Variants in DNM2 observed in about 807,000 individuals in gnomAD.
The protein encoded by DNM2 is dynamin-2.
In DNM2, 15 loss-of-function variants were observed where a neutral mutation model predicts 99.0. That is an observed-to-expected ratio of 0.15 (90% confidence interval 0.10 to 0.23). DNM2 has a LOEUF of 0.23. Among genes scored for constraint, DNM2 ranks in the 10% least tolerant of loss-of-function variants. The pLI is 1.00. For synonymous variants in DNM2, 525 were observed against 481.2 expected (o/e 1.09, Z -1.19); for missense variants, 742 against 1,189.4 (o/e 0.62, Z 5.53).
At chr19:10,732,627 G>A (rs2069371185) in intron 1 of DNM2, among the ~76,000 whole-genome samples, 1 of 151,902 alleles carries the variant, frequency 6.6e-6, no homozygotes, top group African/African-American at 2.4e-5. Context: ...AATTCACCCT[G>A]TCCGGAAGTG....
chr19:10,797,318 G>T (rs74718485), intron 9 of DNM2, 62 bp from the exon 10 acceptor site: 1 of 1,601,878 alleles, frequency 6.2e-7, no homozygotes, highest in East Asian at 2.2e-5. Flanking sequence ...CCTGTCCTGC[G>T]TGTGTGGCCT....
chr19:10,782,584 TCCTTAC>T (rs2071416116), intron 5 of DNM2, among the ~76,000 whole-genome samples: 1 of 151,578 alleles, frequency 6.6e-6, no homozygotes, highest in African/African-American at 2.4e-5. Context: ...GGCCTCGAGC[TCCTTAC>T]CTTGTGATCT....
Position 10,743,983 on chromosome 19 carries a change from CCAG to C in DNM2, c.162-15754_162-15752del, listed in dbSNP as rs200375197. Reference sequence around the variant, plus strand: ...CCAGGGCAGCAGAGCGAGACTGTTTCCAGAAAAAAAAAAAAAATACAAAAATTA... The same window carrying C: ...CCAGGGCAGCAGAGCGAGACTGTTTCAAAAAAAAAAAAAATACAAAAATTA... On this transcript the variant is annotated intron_variant, in intron 1 of 20. Transcript: ENST00000389253. 2.5e-3 allele frequency among the ~76,000 whole-genome samples: 357 copies of C among 141,376 alleles called. 1 individual carries two copies. The highest frequency in any genetic ancestry group is 9.3e-3 in the African/African-American group (338 of 36,178). 92.7% of individuals were successfully genotyped at this position (141,376 alleles called of 152,430 possible).
At chr19:10,734,495 T>G (rs2069449643) in intron 1 of DNM2, among the ~76,000 whole-genome samples, 2 of 151,424 alleles carry the variant, frequency 1.3e-5, no homozygotes, top group Admixed American at 1.3e-4. Context: ...AAAAATTAGC[T>G]TGGCCTGGTG....
At chr19:10,822,829 G>A (rs2073019834) in intron 16 of DNM2, among the ~76,000 whole-genome samples, 2 of 149,414 alleles carry the variant, frequency 1.3e-5, no homozygotes, top group African/African-American at 2.4e-5. Flanking sequence ...CACACAGGCC[G>A]GGCACGGGGG....
chr19:10,744,469 T>C (rs2069887362), intron 1 of DNM2, among the ~76,000 whole-genome samples: 2 of 151,266 alleles, frequency 1.3e-5, no homozygotes, highest in Admixed American at 1.3e-4. Context: ...CCCGGGAGAG[T>C]CTCGGGGTGG....
intron 19 of DNM2, 117 bp downstream of exon 19, chr19:10,829,385 G>A: frequency 7.5e-7 from 1 of 1,324,904 alleles, no homozygotes; most frequent in Non-Finnish European, 1.0e-6. Flanking sequence ...GGCACCCAGG[G>A]CTGGGCACTG....
At position 10,778,530 on chromosome 19, in the gene DNM2, T is replaced by G. The variant is rs149195301; in HGVS notation, c.688+1314T>G. On this transcript the variant is annotated intron_variant, in intron 5 of 20. Transcript: ENST00000389253. Reference sequence around the variant, plus strand: ...AGCTGGGCATGGTGGCATACACCTATAGTCCCACCTACTTAAGAGGCTGAG... The same window carrying G: ...AGCTGGGCATGGTGGCATACACCTAGAGTCCCACCTACTTAAGAGGCTGAG... Among the ~76,000 whole-genome samples, 543 of 152,196 alleles carry G rather than the reference T, an allele frequency of 3.6e-3. 3 individuals are homozygous for G. Among genetic ancestry groups the G allele is most frequent in the African/African-American group, 0.012 (508 of 41,516 alleles).
intron 6 of DNM2, among the ~76,000 whole-genome samples, chr19:10,783,845 C>A (rs12983467): frequency 0.94 from 142,047 of 151,612 alleles, 66,797 homozygotes; most frequent in East Asian, 1. Flanking sequence ...GGATTACAGG[C>A]GTGTGCCACC....
intron 6 of DNM2, among the ~76,000 whole-genome samples, 174 bp downstream of exon 6, chr19:10,783,294 C>T (rs756127451): frequency 1.1e-4 from 16 of 152,144 alleles, no homozygotes; most frequent in Non-Finnish European, 1.8e-4. Flanking sequence ...ATGGAGACCC[C>T]ATCTCTAGGA....
chr19:10,762,612 G>A, intron 2 of DNM2, among the ~76,000 whole-genome samples: 1 of 152,212 alleles, frequency 6.6e-6, no homozygotes, highest in Non-Finnish European at 1.5e-5. Context: ...CAGAGCGCAG[G>A]CCTACCCAGT....
rs1778838155 is a variant in DNM2, at chr19:10,732,810, C to T, written c.161+14407C>T. Among the ~76,000 whole-genome samples, 4 of 152,086 alleles carry T rather than the reference C, an allele frequency of 2.6e-5. No homozygotes were observed. The South Asian group carries it at 8.3e-4, about 31-fold the overall frequency. Reference sequence around the variant, plus strand: ...GCTCCCGCTCCACAGTCCAAAGTCTCAACAGAATGTGACTGTCTTGCACCA... The same window carrying T: ...GCTCCCGCTCCACAGTCCAAAGTCTTAACAGAATGTGACTGTCTTGCACCA... On this transcript the variant is annotated intron_variant, in intron 1 of 20. Coordinates refer to ENST00000389253, the MANE Select transcript of DNM2 (RefSeq NM_001005361.3).
chr19:10,800,917 G>GCGTGCA (rs1240076965), intron 11 of DNM2, among the ~76,000 whole-genome samples: 5 of 152,250 alleles, frequency 3.3e-5, no homozygotes, highest in South Asian at 2.1e-4. Context: ...GTGTGTGCGC[G>GCGTGCA]CGTGCACGTG....
At chr19:10,746,284 A>G (rs955687628) in intron 1 of DNM2, among the ~76,000 whole-genome samples, 9 of 138,942 alleles carry the variant, frequency 6.5e-5, no homozygotes, top group South Asian at 2.6e-4. Flanking sequence ...TTGACCACCA[A>G]TGTGGCTGGA....
rs544157207 is a variant in DNM2 at position 10,818,216 on chromosome 19, C to CCTATG, written c.1672-1761_1672-1757dup. Among the ~76,000 whole-genome samples, 107 of 115,316 alleles carry CCTATG rather than the reference C, an allele frequency of 9.3e-4. 3 individuals are homozygous for CCTATG. In the South Asian group the frequency reaches 0.03, roughly 32 times the overall value. The allele number at this position is 115,316 out of a possible 152,430, so 75.7% of individuals were successfully genotyped here. On this transcript the variant is annotated intron_variant, in intron 15 of 20. Transcript: ENST00000389253. This position sits in a 1 kb window ranked among gnomAD's most constrained non-coding sequence, Gnocchi z 4.3. Reference sequence around the variant, plus strand: ...CCCTCCATGGCCACCGGGCCCCTCTCCTATGCTCTGCTCCCTCCATGGCCA... The same window carrying CCTATG: ...CCCTCCATGGCCACCGGGCCCCTCTCCTATGCTATGCTCTGCTCCCTCCATGGCCA...
At chr19:10,732,000 G>A (rs1568267238) in intron 1 of DNM2, among the ~76,000 whole-genome samples, 1 of 150,926 alleles carries the variant, frequency 6.6e-6, no homozygotes. Flanking sequence ...TGTTGCCCAG[G>A]CTGGAGTGCA....
At position 10,818,977 on chromosome 19, in the gene DNM2, C is replaced by T. The variant is rs145047329; in HGVS notation, c.1672-1003C>T. ...CTGTGGCGGGTGGGCACACACATCACTGGGTGAGTGTGGGACTCCAGGGTG... is the reference window on the plus strand; with the variant it reads ...CTGTGGCGGGTGGGCACACACATCATTGGGTGAGTGTGGGACTCCAGGGTG... On this transcript the variant is annotated intron_variant, in intron 15 of 20. Transcript: ENST00000389253. The surrounding 1 kb of genome is among the most constrained non-coding windows in gnomAD (Gnocchi z 4.3). Among the ~76,000 whole-genome samples, 1 of 152,230 alleles carries T rather than the reference C, an allele frequency of 6.6e-6. No individual in the cohort carries two copies. The highest frequency in any genetic ancestry group is 1.5e-5 in the Non-Finnish European group (1 of 68,000).
intron 5 of DNM2, among the ~76,000 whole-genome samples, chr19:10,779,502 C>CTTTCTTTTTTT (rs1290878626): frequency 6.8e-5 from 2 of 29,626 alleles, no homozygotes; most frequent in Non-Finnish European, 1.2e-4. Context: ...TTCTTTCTTT[C>CTTTCTTTTTTT]TTTTTTTTTT....
At chr19:10,776,643 G>T (rs535452638) in intron 4 of DNM2, among the ~76,000 whole-genome samples, 10 of 152,362 alleles carry the variant, frequency 6.6e-5, no homozygotes, top group African/African-American at 2.2e-4. Flanking sequence ...ACTCTGGAAT[G>T]ACTTGTGGAG....
Sources: gnomAD v4.1 joint callset for allele counts (sites outside exome capture counted in the v4.1 genomes callset) on GRCh38, gnomAD v4.1.1 for gene constraint, Gnocchi (gnomAD v3.1) non-coding constraint, MANE v1.5 for transcripts, NCBI Gene and HGNC (gene_info 2026-07-23, HGNC 2026-07-21) for gene names.